LINGO2: variants seen among roughly 807,000 people sequenced by gnomAD.
LINGO2 encodes leucine-rich repeat and immunoglobulin-like domain-containing nogo receptor-interacting protein 2.
LINGO2 carries 14 observed loss-of-function variants against 30.6 expected under a neutral mutation model. The observed-to-expected ratio is 0.46, with a 90% confidence interval of 0.30 to 0.72. LINGO2 has a LOEUF of 0.72. Among genes scored for constraint, LINGO2 ranks in the 30% least tolerant of loss-of-function variants. The probability of loss-of-function intolerance (pLI) is 0.07; values close to 1 mark genes in which losing one functional copy is unlikely to be tolerated. For missense variants in LINGO2, 729 were observed against 751.7 expected (o/e 0.97, Z 0.35); for synonymous variants, 317 against 288.5 (o/e 1.10, Z -1.00).
chr9:27,960,251 T>C (rs538047370), intron 5 of LINGO2, among the ~76,000 whole-genome samples: 4 of 152,288 alleles, frequency 2.6e-5, no homozygotes, highest in South Asian at 4.1e-4. Context: ...TGTTGAGAAA[T>C]AGAGTCCTGG....
At chr9:28,497,854 G>A (rs1478704370) in intron 1 of LINGO2, among the ~76,000 whole-genome samples, 1 of 152,188 alleles carries the variant, frequency 6.6e-6, no homozygotes, top group Admixed American at 6.5e-5. Context: ...TGTCCTTTCT[G>A]TTTGTTAGTT....
intron 1 of LINGO2, among the ~76,000 whole-genome samples, chr9:28,512,325 A>G (rs1202668845): frequency 6.6e-6 from 1 of 151,900 alleles, no homozygotes; most frequent in Non-Finnish European, 1.5e-5. Context: ...TATCTGCAGA[A>G]GATGACAGGG....
chr9:29,091,134 T>C, the LINGO2 span, among the ~76,000 whole-genome samples: 5 of 152,094 alleles, frequency 3.3e-5, no homozygotes, highest in Admixed American at 6.6e-5. Context: ...TTTAGACTCC[T>C]GACAATTGAA....
the LINGO2 span, among the ~76,000 whole-genome samples, chr9:29,083,798 C>G: frequency 6.6e-6 from 1 of 152,070 alleles, no homozygotes; most frequent in Non-Finnish European, 1.5e-5. Flanking sequence ...CATCTAGGTA[C>G]AAGTGATACA....
intron 1 of LINGO2, among the ~76,000 whole-genome samples, chr9:28,491,065 G>A (rs1826375484): frequency 1.3e-5 from 2 of 152,186 alleles, no homozygotes; most frequent in Admixed American, 1.3e-4. Flanking sequence ...AAAGTGAGAT[G>A]GGAGTATTGT....
chr9:29,061,255 A>G, the LINGO2 span, among the ~76,000 whole-genome samples: 1 of 152,066 alleles, frequency 6.6e-6, no homozygotes, highest in Non-Finnish European at 1.5e-5. Flanking sequence ...ACAAAACTAT[A>G]GGATCAATAC....
intron 4 of LINGO2, among the ~76,000 whole-genome samples, chr9:28,160,032 G>A (rs565588663): frequency 1.4e-4 from 22 of 152,134 alleles, no homozygotes; most frequent in Non-Finnish European, 2.4e-4. Context: ...TTGTTTCTGT[G>A]ATTGCCAAGA....
At chr9:28,962,553 G>A in the LINGO2 span, among the ~76,000 whole-genome samples, 2 of 151,708 alleles carry the variant, frequency 1.3e-5, no homozygotes, top group Non-Finnish European at 2.9e-5. Flanking sequence ...TAATGTACTG[G>A]TACATAGCTA....
chr9:28,986,439 A>G, the LINGO2 span, among the ~76,000 whole-genome samples: 1 of 152,056 alleles, frequency 6.6e-6, no homozygotes, highest in Non-Finnish European at 1.5e-5. Context: ...CAAAAACTAC[A>G]TTCAATCTGT....
rs141134491 is a variant in LINGO2 at position 28,493,784 on chromosome 9, A to T, written c.-364-17759T>A. Reference sequence around the variant, plus strand: ...ATCTGAGTGGGTACAGATCTAATAAACTGCCAGCACGGTCAGAATAAAAGC... The same window carrying T: ...ATCTGAGTGGGTACAGATCTAATAATCTGCCAGCACGGTCAGAATAAAAGC... On this transcript the variant is annotated intron_variant, in intron 1 of 5. Coordinates refer to ENST00000379992, the Ensembl canonical transcript of LINGO2. Among the ~76,000 whole-genome samples, 8 of 152,246 alleles carry T rather than the reference A, an allele frequency of 5.3e-5. No individual in the cohort carries two copies. The East Asian group carries it at 1.5e-3, about 29-fold the overall frequency.
the LINGO2 span, among the ~76,000 whole-genome samples, chr9:29,182,655 G>A: frequency 6.6e-6 from 1 of 150,726 alleles, no homozygotes; most frequent in South Asian, 2.1e-4. Flanking sequence ...CCACCTGTTA[G>A]CCAAGGAAAG....
At chr9:28,497,880 A>T (rs955553830) in intron 1 of LINGO2, among the ~76,000 whole-genome samples, 2 of 152,198 alleles carry the variant, frequency 1.3e-5, no homozygotes, top group Non-Finnish European at 2.9e-5. Context: ...TCTAACAGTC[A>T]GCACCCTCAG....
At chr9:28,828,263 G>C in the LINGO2 span, among the ~76,000 whole-genome samples, 1 of 151,882 alleles carries the variant, frequency 6.6e-6, no homozygotes, top group African/African-American at 2.4e-5. Context: ...ATGTGGTTAA[G>C]TTTCCTTAGA....
chr9:28,575,612 C>G (rs1370791777), intron 1 of LINGO2, among the ~76,000 whole-genome samples: 1 of 151,932 alleles, frequency 6.6e-6, no homozygotes. Flanking sequence ...ACCTGGGTGA[C>G]AGGACCACTC....
At chr9:28,180,535 T>C (rs578134300) in intron 4 of LINGO2, among the ~76,000 whole-genome samples, 1 of 152,314 alleles carries the variant, frequency 6.6e-6, no homozygotes, top group African/African-American at 2.4e-5. Context: ...CTGTTGTCTT[T>C]GTCTTGCTTC....
chr9:27,977,107 TAATATTATGG>T (rs1820636091), intron 5 of LINGO2, among the ~76,000 whole-genome samples: 1 of 151,108 alleles, frequency 6.6e-6, no homozygotes, highest in Non-Finnish European at 1.5e-5. Context: ...AATAATTACG[TAATATTATGG>T]AAATAGACTC....
intron 1 of LINGO2, among the ~76,000 whole-genome samples, chr9:28,496,730 G>T (rs2135293690): frequency 6.6e-6 from 1 of 152,256 alleles, no homozygotes; most frequent in East Asian, 1.9e-4. Flanking sequence ...TTGCTCATTA[G>T]TTGATGCAGT....
At chr9:29,188,711 C>CCT in the LINGO2 span, among the ~76,000 whole-genome samples, 1 of 137,888 alleles carries the variant, frequency 7.3e-6, no homozygotes, top group African/African-American at 2.7e-5. Flanking sequence ...GGCTGACCCC[C>CCT]CCACCTCCCT....
At chr9:28,873,078 T>C in the LINGO2 span, among the ~76,000 whole-genome samples, 1 of 152,096 alleles carries the variant, frequency 6.6e-6, no homozygotes, top group Non-Finnish European at 1.5e-5. Flanking sequence ...TCTCTACTAG[T>C]AAGAAAACTA....
Sources: allele counts gnomAD v4.1 joint callset (sites outside exome capture counted in the v4.1 genomes callset), GRCh38; gene constraint gnomAD v4.1.1; transcripts MANE v1.5; gene names NCBI Gene and HGNC (gene_info 2026-07-23, HGNC 2026-07-21).